SP100: variants seen among roughly 807,000 people sequenced by gnomAD.
SP100 encodes nuclear autoantigen Sp-100.
In SP100, 84 loss-of-function variants were observed where a neutral mutation model predicts 130.0. The observed-to-expected ratio is 0.65, with a 90% CI of 0.54 to 0.77. The LOEUF (loss-of-function observed/expected upper bound fraction) is 0.77. SP100 is among the 30% of genes least tolerant of loss of function. The pLI is 0.00. For synonymous variants in SP100, 331 were observed against 351.7 expected (o/e 0.94, Z 0.66); for missense variants, 978 against 1,052.2 (o/e 0.93, Z 0.97).
intron 23 of SP100, chr2:230,508,948 T>TACACAAACACAC (rs1690362004): frequency 9.9e-6 from 1 of 101,304 alleles, no homozygotes; most frequent in African/African-American, 2.7e-5. Context: ...CACACACACA[T>TACACAAACACAC]ACACACACAC....
chr2:230,441,269 T>C (rs1321880294), intron 2 of SP100, among the ~76,000 whole-genome samples: 1 of 152,172 alleles, frequency 6.6e-6, no homozygotes, highest in African/African-American at 2.4e-5. Flanking sequence ...ACATATCACA[T>C]CACACACACT....
intron 2 of SP100, among the ~76,000 whole-genome samples, chr2:230,426,429 G>A (rs2396758): frequency 0.13 from 19,153 of 152,008 alleles, 1,311 homozygotes; most frequent in Middle Eastern, 0.21. Context: ...GCTATGTTGT[G>A]TTTTCATTTT....
In SP100 at chr2:230,492,567, A is replaced by G. The variant is rs577854191; in HGVS notation, c.1601-1849A>G. ...GCGATCTTTCCACCTATGCTTCCCA[A>G]AGTGCTGGGATTACAGGCATGAGCC... On this transcript the variant is annotated intron_variant, in intron 17 of 28. Transcript: ENST00000340126. Among the ~76,000 whole-genome samples the G allele has an allele frequency of 2.0e-5, 3 of 152,222 alleles. No individual in the cohort carries two copies. In the South Asian group the frequency reaches 6.2e-4, roughly 32 times the overall value.
intron 26 of SP100, 124 bp downstream of exon 26, chr2:230,541,120 C>T (rs956951309): frequency 3.2e-5 from 41 of 1,297,726 alleles, no homozygotes; most frequent in Non-Finnish European, 4.2e-5. Context: ...GTGTGCTTTG[C>T]TCCATGACCT....
rs374274986 is a variant in SP100 at position 230,431,564 on chromosome 2, G to C, written c.108-11373G>C. 4.6e-5 allele frequency among the ~76,000 whole-genome samples: 7 copies of C among 152,292 alleles called. No individual in the cohort carries two copies. The South Asian group carries it at 1.5e-3, about 32-fold the overall frequency. On this transcript the variant is annotated intron_variant, in intron 2 of 28. Coordinates refer to ENST00000340126, the MANE Select transcript of SP100 (RefSeq NM_001080391.2). ...TGGATAGTTGCTACTTAGTCTTTCT[G>C]TGAGAGAGACTAAAGCCAGAAACCT...
chr2:230,526,704 A>T (rs1691445150), intron 24 of SP100, among the ~76,000 whole-genome samples: 1 of 152,210 alleles, frequency 6.6e-6, no homozygotes, highest in African/African-American at 2.4e-5. Context: ...AATAAACTAG[A>T]ATAAACAGTG....
intron 24 of SP100, chr2:230,515,994 G>T: frequency 1.0e-6 from 1 of 992,064 alleles, no homozygotes; most frequent in Non-Finnish European, 1.2e-6. Context: ...TTGTTGTTCT[G>T]TTAACTGAAT....
Position 230,516,015 on chromosome 2 carries a change from A to C in SP100, c.2094+4849A>C, listed in dbSNP as rs1341914250. 48 of 925,066 alleles carry C rather than the reference A, an allele frequency of 5.2e-5. No individual in the cohort carries two copies. The Admixed American group carries it at 3.6e-3, about 70-fold the overall frequency. The allele number at this position is 925,066 out of a possible 1,614,324, so 57.3% of individuals were successfully genotyped here. A position where few individuals can be genotyped will look rare whatever the true frequency, so the allele number is the denominator to read the frequency against. ...TTCTGTTAACTGAATGCCACTCTGT[A>C]ATTGCAAAAAAAAAAAACAGTTGCA... On this transcript the variant is annotated intron_variant, in intron 24 of 28. Coordinates refer to ENST00000340126, the MANE Select transcript of SP100 (RefSeq NM_001080391.2).
intron 21 of SP100, among the ~76,000 whole-genome samples, chr2:230,505,125 T>C (rs1327570380): frequency 6.6e-6 from 1 of 152,320 alleles, no homozygotes; most frequent in East Asian, 1.9e-4. Flanking sequence ...ATATGGACAA[T>C]GGCCAACCTT....
In SP100 at chr2:230,449,648, A is replaced by G. The variant is rs1274228237; in HGVS notation, c.674A>G (p.Lys225Arg). Residue 225 changes from lysine (K) to arginine (R), a missense_variant, in exon 7 of 29, where the codon AAA becomes AGA. By Grantham distance (26) the Lys-to-Arg change is conservative. Coordinates refer to ENST00000340126, the MANE Select transcript of SP100 (RefSeq NM_001080391.2). ...AAGAGAAAAGATACAACCAGTGACAAAGATGATTCGCTAGGAAGCCAACAA... is the reference window on the plus strand; with the variant it reads ...AAGAGAAAAGATACAACCAGTGACAGAGATGATTCGCTAGGAAGCCAACAA... Reference protein sequence around the residue: ...NAKRKDTTSDKDDSLGSQQTN... With the variant: ...NAKRKDTTSDRDDSLGSQQTN... The G allele has an allele frequency of 6.2e-7, 1 of 1,614,204 alleles. No homozygotes were observed. Among genetic ancestry groups the G allele is most frequent in the East Asian group, 2.2e-5 (1 of 44,888 alleles).
intron 6 of SP100, 102 bp from the exon 7 acceptor site, chr2:230,449,459 C>A (rs2063863241): frequency 1.5e-6 from 2 of 1,326,302 alleles, no homozygotes; most frequent in Non-Finnish European, 2.2e-6. Context: ...TGCCTTGGTG[C>A]CTTGACCTTA....
intron 15 of SP100, among the ~76,000 whole-genome samples, chr2:230,471,414 C>T (rs903559951): frequency 3.9e-5 from 6 of 152,134 alleles, no homozygotes; most frequent in African/African-American, 1.4e-4. Flanking sequence ...TCGTCACTGT[C>T]TATAGTCTAT....
rs2064615785 is a variant in SP100 at position 230,461,383 on chromosome 2, A to G, written c.942A>G (p.Arg314=). 6.2e-7 allele frequency: 1 copy of G among 1,614,196 alleles called. No homozygotes were observed. ...AAGTTGAGTGCCAAGCCCAAGCAAG[A>G]ACTCATCATAACCAGGCATCTGACA... ...NSKVECQAQA[R]THHNQASDII... The change falls in exon 9 of 29, where the codon AGA becomes AGG. Residue 314 remains arginine (R), a synonymous_variant. Transcript: ENST00000340126.
At position 230,544,064 on chromosome 2, in the gene SP100, T is replaced by G. The variant is rs919958772; in HGVS notation, c.*1118T>G. 1.7e-4 allele frequency: 26 copies of G among 152,192 alleles called. No individual in the cohort carries two copies. Among genetic ancestry groups the G allele is most frequent in the African/African-American group, 6.3e-4 (26 of 41,440 alleles). The allele number at this position is 152,192 out of a possible 1,614,324, so 9.4% of individuals were successfully genotyped here. A position where few individuals can be genotyped will look rare whatever the true frequency, so the allele number is the denominator to read the frequency against. On this transcript the variant is annotated 3_prime_UTR_variant, in exon 29 of 29. Transcript: ENST00000340126. Reference sequence around the variant, plus strand: ...CAAGCAATGGGAAAAAGACTCCCTATTTTATAAATGGTGCTGGGATAACTG... The same window carrying G: ...CAAGCAATGGGAAAAAGACTCCCTAGTTTATAAATGGTGCTGGGATAACTG...
intron 17 of SP100, among the ~76,000 whole-genome samples, chr2:230,486,343 C>T (rs565751643): frequency 6.6e-6 from 1 of 152,154 alleles, no homozygotes; most frequent in African/African-American, 2.4e-5. Flanking sequence ...CCTTCCACCC[C>T]ACAACAGGCC....
At chr2:230,417,476 C>G in intron 1 of SP100, 115 bp from the exon 2 acceptor site, 1 of 1,334,750 alleles carries the variant, frequency 7.5e-7, no homozygotes, top group Non-Finnish European at 1.0e-6. Flanking sequence ...TTATATATTT[C>G]TTTTTGGGTT....
intron 12 of SP100, among the ~76,000 whole-genome samples, chr2:230,466,781 C>T (rs2064981217): frequency 1.3e-5 from 2 of 152,068 alleles, no homozygotes; most frequent in Admixed American, 1.3e-4. Flanking sequence ...AATACAAATC[C>T]ATATACAAAA....
At chr2:230,432,868 CTT>C (rs1340770023) in intron 2 of SP100, among the ~76,000 whole-genome samples, 2 of 152,116 alleles carry the variant, frequency 1.3e-5, no homozygotes, top group African/African-American at 4.8e-5. Flanking sequence ...CATTTATTCT[CTT>C]ATGATTATAC....
chr2:230,459,977 G>T (rs184605171), intron 8 of SP100, among the ~76,000 whole-genome samples: 1 of 152,142 alleles, frequency 6.6e-6, no homozygotes, highest in East Asian at 1.9e-4. Flanking sequence ...CCCACCTCTC[G>T]CCCTTTCATG....
Sources: gnomAD v4.1 joint callset for allele counts (sites outside exome capture counted in the v4.1 genomes callset) on GRCh38, gnomAD v4.1.1 for gene constraint, MANE v1.5 for transcripts, NCBI Gene and HGNC (gene_info 2026-07-23, HGNC 2026-07-21) for gene names.